The following SLITRK3 variants were observed in gnomAD, a reference collection of about 807,000 sequenced individuals.
SLITRK3 encodes SLIT and NTRK like family member 3.
A neutral mutation model predicts 63.6 loss-of-function variants in SLITRK3; 16 were observed. The ratio of observed to expected loss-of-function variants is 0.25; its 90% CI spans 0.17 to 0.38. The LOEUF is 0.38. SLITRK3 is among the 10% of genes least tolerant of loss of function. SLITRK3 has a pLI of 1.00. For synonymous variants in SLITRK3, 547 were observed against 451.6 expected, an observed-to-expected ratio of 1.21 and a Z score of -2.68; for missense variants, 1,117 against 1,181.4, an observed-to-expected ratio of 0.95 and a Z score of 0.80.
In SLITRK3 at chr3:165,189,929, C is replaced by T. The variant is rs1172741329; in HGVS notation, c.902G>A (p.Ser301Asn). 1.9e-6 allele frequency: 3 copies of T among 1,614,034 alleles called. No individual in the cohort carries two copies. Among genetic ancestry groups the T allele is most frequent in the Non-Finnish European group, 2.5e-6 (3 of 1,180,044 alleles). ...CTTAGTTGGCCATGCATTCTCCTTA[C>T]TTGATGACGAATGTGGAATTCCCAA... ...ASLGIPHSSS[S>N]KENAWPTKPS... Residue 301 changes from serine to asparagine, a missense_variant, in exon 2 of 2, where the codon AGT becomes AAT. Coordinates refer to ENST00000475390, the MANE Select transcript of SLITRK3 (RefSeq NM_001318810.2). The surrounding 1 kb of genome is among the most constrained non-coding windows in gnomAD (Gnocchi z 4.0).
intron 1 of SLITRK3, among the ~76,000 whole-genome samples, chr3:165,193,916 T>C (rs1162501478): frequency 2.6e-5 from 4 of 152,096 alleles, no homozygotes; most frequent in Non-Finnish European, 5.9e-5. Context: ...TGAAGGAAGA[T>C]ATTGTATTGT....
In SLITRK3 at chr3:165,188,105, T is replaced by A. The variant is rs528798417; in HGVS notation, c.2726A>T (p.Lys909Ile). Residue 909 changes from lysine (K) to isoleucine (I), a missense_variant, in exon 2 of 2, where the codon AAA (lysine) becomes ATA (isoleucine). Physicochemically the swap from Lys to Ile is moderately radical, Grantham distance 102 (BLOSUM62 -3). Around this residue, in one of 4 missense-constraint regions of SLITRK3, gnomAD observed 499 missense variants for 463.6 expected, o/e 1.08. Transcript: ENST00000475390. ...AGGGTGCACGTGCAGTTCCTTTAAT[T>A]TGGGCACTGTTCCATAGAGACAGTC... ...FVDCLYGTVP[K>I]LKELHVHPPG... is the part of the protein sequence containing the mutation. 2 of 1,613,700 alleles carry A rather than the reference T, an allele frequency of 1.2e-6. No homozygotes were observed. Among genetic ancestry groups the A allele is most frequent in the East Asian group, 2.2e-5 (1 of 44,850 alleles).
Position 165,189,839 on chromosome 3 carries a change from T to C in SLITRK3, c.992A>G (p.Lys331Arg), listed in dbSNP as rs1718128411. The C allele has an allele frequency of 1.2e-6, 2 of 1,613,904 alleles. No individual in the cohort carries two copies. Among genetic ancestry groups the C allele is most frequent in the Admixed American group, 1.7e-5 (1 of 59,996 alleles). The change falls in exon 2 of 2, where the codon AAA becomes AGA. Residue 331 changes from lysine (K) to arginine (R), a missense_variant. Coordinates refer to ENST00000475390, the MANE Select transcript of SLITRK3 (RefSeq NM_001318810.2). The surrounding 1 kb of genome is among the most constrained non-coding windows in gnomAD (Gnocchi z 4.0). ...AGGCTGTTTGGTGGGCTTAGGCTGT[T>C]TATTTGAGGACTTGTATTCGACAGA... Reference protein sequence around the residue: ...ASSVEYKSSNKQPKPTKQPRT... With the variant: ...ASSVEYKSSNRQPKPTKQPRT...
In SLITRK3 at chr3:165,188,148, A is replaced by C. The variant is rs754180450; in HGVS notation, c.2683T>G (p.Cys895Gly). 1.9e-6 allele frequency: 3 copies of C among 1,613,094 alleles called. No individual in the cohort carries two copies. Among genetic ancestry groups the C allele is most frequent in the Non-Finnish European group, 2.5e-6 (3 of 1,179,830 alleles). The change falls in exon 2 of 2, where the codon TGC becomes GGC. Residue 895 changes from cysteine to glycine, a missense_variant. By Grantham distance (159) the Cys-to-Gly change is radical. Around this residue, in one of 4 missense-constraint regions of SLITRK3, gnomAD observed 499 missense variants for 463.6 expected, o/e 1.08. Coordinates refer to ENST00000475390, the MANE Select transcript of SLITRK3 (RefSeq NM_001318810.2). Reference sequence around the variant, plus strand: ...AGACAGTCCACAAATCCCACTGTGCAGGGGGCAGGCTGTGGCCTCTCTCGA... The same window carrying C: ...AGACAGTCCACAAATCCCACTGTGCCGGGGGCAGGCTGTGGCCTCTCTCGA... The part of the protein sequence containing the change: ...LDRERPQPAP[C>G]TVGFVDCLYG...
chr3:165,191,709 G>A (rs1288147020), intron 1 of SLITRK3, among the ~76,000 whole-genome samples: 1 of 152,166 alleles, frequency 6.6e-6, no homozygotes, highest in African/African-American at 2.4e-5. Flanking sequence ...TAAAACATTT[G>A]CAAAACTTAG....
chr3:165,190,470 A>C lies in SLITRK3; in HGVS notation c.361T>G (p.Phe121Val), dbSNP rs1471567921. The C allele has an allele frequency of 6.2e-7, 1 of 1,613,798 alleles. No homozygotes were observed. Among genetic ancestry groups the C allele is most frequent in the Non-Finnish European group, 8.5e-7 (1 of 1,180,022 alleles). ...NALQDIQTGA[F>V]NGLKILKRLY... ...CTCTTTAAAATCTTAAGACCATTGAAAGCTCCAGTCTGAATGTCCTGCAAT... is the reference window on the plus strand; with the variant it reads ...CTCTTTAAAATCTTAAGACCATTGACAGCTCCAGTCTGAATGTCCTGCAAT... Residue 121 changes from phenylalanine to valine, a missense_variant, in exon 2 of 2, where the codon TTC becomes GTC. This residue lies in a region of SLITRK3 where 452 missense variants were observed against 495.3 expected (regional missense o/e 0.91). Transcript: ENST00000475390.
At position 165,196,057 on chromosome 3, in the gene SLITRK3, GCCTCCTT is replaced by G. The variant is rs1189129766; in HGVS notation, c.-506_-500del. The G allele has an allele frequency of 6.5e-6, 1 of 152,688 alleles. No individual in the cohort carries two copies. The highest frequency in any genetic ancestry group is 1.5e-5 in the Non-Finnish European group (1 of 68,102). 9.5% of individuals were successfully genotyped at this position (152,688 alleles called of 1,614,324 possible). A position where few individuals can be genotyped will look rare whatever the true frequency, so the allele number is the denominator to read the frequency against. ...ACTCACAGCGCAATCCCTGCCCGAG[GCCTCCTT>G]CCATCCGAGAAGATGGAATTAGCCC... On this transcript the variant is annotated 5_prime_UTR_variant, in exon 1 of 2. An upstream open reading frame in the 5' UTR loses its in-frame stop. Transcript: ENST00000475390.
Position 165,189,841 on chromosome 3 carries a change from A to T in SLITRK3, c.990T>A (p.Asn330Lys). ...TASSVEYKSS[N>K]KQPKPTKQPR... is the part of the protein sequence containing the mutation. ...GCTGTTTGGTGGGCTTAGGCTGTTTATTTGAGGACTTGTATTCGACAGAAG... is the reference window on the plus strand; with the variant it reads ...GCTGTTTGGTGGGCTTAGGCTGTTTTTTTGAGGACTTGTATTCGACAGAAG... Residue 330 changes from asparagine to lysine, a missense_variant, in exon 2 of 2, where the codon AAT becomes AAA. By Grantham distance (94) the Asn-to-Lys change is moderately conservative. Around this residue, in one of 4 missense-constraint regions of SLITRK3, gnomAD observed 452 missense variants for 495.3 expected, o/e 0.91. Transcript: ENST00000475390. This position sits in a 1 kb window ranked among gnomAD's most constrained non-coding sequence, Gnocchi z 4.0. 1 of 1,614,092 alleles carries T rather than the reference A, an allele frequency of 6.2e-7. No homozygotes were observed. The highest frequency in any genetic ancestry group is 1.3e-5 in the African/African-American group (1 of 74,994).
chr3:165,194,931 C>T (rs1024179628), intron 1 of SLITRK3, among the ~76,000 whole-genome samples: 6 of 152,056 alleles, frequency 3.9e-5, no homozygotes, highest in Non-Finnish European at 7.4e-5. Context: ...CATGGGGCCC[C>T]AGTTTTTTCC....
In SLITRK3 at chr3:165,188,463, C is replaced by G. The variant is rs1283796144; in HGVS notation, c.2368G>C (p.Ala790Pro). 6.2e-7 allele frequency: 1 copy of G among 1,613,956 alleles called. No individual in the cohort carries two copies. The highest frequency in any genetic ancestry group is 2.2e-5 in the East Asian group (1 of 44,860). ...PGTQPPGMGE[A>P]LLGSEQFAET... is the part of the protein sequence containing the mutation. ...GCAAACTGCTCACTTCCTAGGAGAGCCTCACCCATTCCCGGTGGTTGTGTC... is the reference window on the plus strand; with the variant it reads ...GCAAACTGCTCACTTCCTAGGAGAGGCTCACCCATTCCCGGTGGTTGTGTC... Residue 790 changes from alanine to proline, a missense_variant, in exon 2 of 2, where the codon GCT (alanine) becomes CCT (proline). Physicochemically the swap from Ala to Pro is conservative, Grantham distance 27 (BLOSUM62 -1). Transcript: ENST00000475390.
chr3:165,194,009 G>C (rs1358118523), intron 1 of SLITRK3, among the ~76,000 whole-genome samples: 2 of 152,096 alleles, frequency 1.3e-5, no homozygotes, highest in African/African-American at 4.8e-5. Flanking sequence ...AGTCCTGCCT[G>C]CTGGGAAGGA....
In SLITRK3 at chr3:165,187,432, C is replaced by A. The variant is rs1717993455; in HGVS notation, c.*465G>T. The A allele has an allele frequency of 6.5e-6, 1 of 153,116 alleles. No homozygotes were observed. The highest frequency in any genetic ancestry group is 1.5e-5 in the Non-Finnish European group (1 of 68,774). The allele number at this position is 153,116 out of a possible 1,614,324, so 9.5% of individuals were successfully genotyped here. A position where few individuals can be genotyped will look rare whatever the true frequency, so the allele number is the denominator to read the frequency against. ...GTTAATACATGTACAGAATCTGTGCCATGATGATAAGAAAGAAAGCCACAA... is the reference window on the plus strand; with the variant it reads ...GTTAATACATGTACAGAATCTGTGCAATGATGATAAGAAAGAAAGCCACAA... On this transcript the variant is annotated 3_prime_UTR_variant, in exon 2 of 2. Transcript: ENST00000475390.
At position 165,190,365 on chromosome 3, in the gene SLITRK3, C is replaced by A. The variant is rs1718165005; in HGVS notation, c.466G>T (p.Ala156Ser). The change falls in exon 2 of 2, where the codon GCA (alanine) becomes TCA (serine). Residue 156 changes from alanine to serine, a missense_variant. By Grantham distance (99) the Ala-to-Ser change is moderately conservative. This residue lies in a region of SLITRK3 where 452 missense variants were observed against 495.3 expected (regional missense o/e 0.91). Coordinates refer to ENST00000475390, the MANE Select transcript of SLITRK3 (RefSeq NM_001318810.2). The part of the protein sequence containing the change: ...LGLESLEYLQ[A>S]DYNVIKRIES... ...ATACGTTTAATGACATTGTAATCTG[C>A]CTGCAGATATTCTAGACTTTCCAAG... The A allele has an allele frequency of 6.2e-7, 1 of 1,614,076 alleles. No individual in the cohort carries two copies. Among genetic ancestry groups the A allele is most frequent in the African/African-American group, 1.3e-5 (1 of 75,030 alleles).
upstream of SLITRK3, chr3:165,196,879 C>CTCTCTCTGTCTCTCTCTG (rs1560057523): frequency 4.0e-5 from 5 of 124,372 alleles, no homozygotes; most frequent in East Asian, 1.2e-3. Flanking sequence ...AGTGATCTCT[C>CTCTCTCTGTCTCTCTCTG]TCTCTCTCTC....
chr3:165,189,721 G>A lies in SLITRK3; in HGVS notation c.1110C>T (p.Pro370=), dbSNP rs759650287. ...IAPYQTRPPI[P]IICPTGCTCN... is the part of the protein sequence containing the mutation. ...AGGTACACCCAGTGGGGCATATAAT[G>A]GGGATTGGTGGTCTGGTCTGATAAG... Residue 370 remains proline, a synonymous_variant, in exon 2 of 2, where the codon CCC becomes CCT. Transcript: ENST00000475390. This position sits in a 1 kb window ranked among gnomAD's most constrained non-coding sequence, Gnocchi z 4.0. 10 of 1,614,076 alleles carry A rather than the reference G, an allele frequency of 6.2e-6. No homozygotes were observed. The African/African-American group carries it at 8.0e-5, about 13-fold the overall frequency.
At chr3:165,196,736 C>T (rs1057492627), upstream of SLITRK3, 1 of 152,298 alleles carries the variant, frequency 6.6e-6, no homozygotes, top group African/African-American at 2.4e-5. Context: ...CAGATCAGCC[C>T]ATCGCCGGAG....
At position 165,190,437 on chromosome 3, in the gene SLITRK3, G is replaced by A; in HGVS notation, c.394C>T (p.Leu132=). The change falls in exon 2 of 2, where the codon CTA becomes TTA. Residue 132 remains leucine (L), a synonymous_variant. Coordinates refer to ENST00000475390, the MANE Select transcript of SLITRK3 (RefSeq NM_001318810.2). The stretch of plus-strand genomic sequence containing the variant: ...AAGACATCTAGTTTGTTTTCATGTA[G>A]ATATAGTCTCTTTAAAATCTTAAGA... ...NGLKILKRLY[L]HENKLDVFRN... The A allele has an allele frequency of 1.2e-6, 2 of 1,613,770 alleles. No individual in the cohort carries two copies. The highest frequency in any genetic ancestry group is 1.7e-6 in the Non-Finnish European group (2 of 1,179,958).
chr3:165,192,440 T>G (rs1718265303), intron 1 of SLITRK3, among the ~76,000 whole-genome samples: 1 of 152,168 alleles, frequency 6.6e-6, no homozygotes, highest in African/African-American at 2.4e-5. Context: ...ATATTTTTCT[T>G]GTTTTTCAGG....
At position 165,188,235 on chromosome 3, in the gene SLITRK3, T is replaced by C. The variant is rs1718035315; in HGVS notation, c.2596A>G (p.Asn866Asp). The change falls in exon 2 of 2, where the codon AAT (asparagine) becomes GAT (aspartate). Residue 866 changes from asparagine (N) to aspartate (D), a missense_variant. By Grantham distance (23) the Asn-to-Asp change is conservative (BLOSUM62 1). This residue lies in a region of SLITRK3 where 499 missense variants were observed against 463.6 expected (regional missense o/e 1.08). Transcript: ENST00000475390. Reference protein sequence around the residue: ...DLAGFRHHEKNGGVVLFPPGG... With the variant: ...DLAGFRHHEKDGGVVLFPPGG... ...GGAGGAAACAGCACCACCCCACCATTTTTCTCATGGTGGCGGAACCCTGCC... is the reference window on the plus strand; with the variant it reads ...GGAGGAAACAGCACCACCCCACCATCTTTCTCATGGTGGCGGAACCCTGCC... 5 of 1,613,198 alleles carry C rather than the reference T, an allele frequency of 3.1e-6. No individual in the cohort carries two copies. Among genetic ancestry groups the C allele is most frequent in the Non-Finnish European group, 4.2e-6 (5 of 1,179,804 alleles).
Sources: gnomAD v4.1 joint callset for allele counts (sites outside exome capture counted in the v4.1 genomes callset) on GRCh38, gnomAD v4.1.1 for gene constraint, gnomAD v4.1.1 regional missense constraint, Gnocchi (gnomAD v3.1) non-coding constraint, MANE v1.5 for transcripts, NCBI Gene and HGNC (gene_info 2026-07-23, HGNC 2026-07-21) for gene names.